FAT3: variants seen among roughly 807,000 people sequenced by gnomAD.
FAT3 encodes FAT atypical cadherin 3, also known as protocadherin Fat 3.
FAT3 carries 95 observed loss-of-function variants against 310.2 expected under a neutral mutation model. The ratio of observed to expected loss-of-function variants is 0.31; its 90% confidence interval spans 0.26 to 0.36. The LOEUF is 0.36. FAT3 is among the 10% of genes least tolerant of loss of function. The pLI is 1.00. For missense variants in FAT3, 5,408 were observed against 5,715.6 expected (o/e 0.95, Z 1.74); for synonymous variants, 2,314 against 2,192.9 (o/e 1.06, Z -1.54).
At chr11:92,374,783 G>T (rs1591190216) in intron 2 of FAT3, among the ~76,000 whole-genome samples, 1 of 151,940 alleles carries the variant, frequency 6.6e-6, no homozygotes, top group Non-Finnish European at 1.5e-5. Context: ...GTTGTTAATT[G>T]TATGCATATA....
At chr11:92,326,565 A>G (rs1565228331) in intron 1 of FAT3, among the ~76,000 whole-genome samples, 5 of 152,186 alleles carry the variant, frequency 3.3e-5, no homozygotes, top group African/African-American at 1.2e-4. Context: ...TCTTCCTTTC[A>G]TTGCCTCCAT....
At chr11:92,746,964 T>C (rs1945689747) in intron 4 of FAT3, among the ~76,000 whole-genome samples, 1 of 152,190 alleles carries the variant, frequency 6.6e-6, no homozygotes, top group Non-Finnish European at 1.5e-5. Flanking sequence ...CTGACTGCTT[T>C]CATGGACTGA....
chr11:92,386,141 G>T (rs1378633357), intron 2 of FAT3, among the ~76,000 whole-genome samples: 2 of 152,102 alleles, frequency 1.3e-5, no homozygotes, highest in African/African-American at 4.8e-5. Flanking sequence ...AGAAAGGAAA[G>T]AAGTTAAAAG....
Position 92,600,432 on chromosome 11 carries a change from A to G in FAT3, c.3607+75484A>G, listed in dbSNP as rs1939959974. On this transcript the variant is annotated intron_variant, in intron 3 of 27. Coordinates refer to ENST00000525166, the MANE Select transcript of FAT3 (RefSeq NM_001367949.2). ...CAAATGAAAAAGGACAAGTATGTTT[A>G]TAATAAAGTGCTTAGTCCTGATAGT... 2.0e-5 allele frequency among the ~76,000 whole-genome samples: 3 copies of G among 152,214 alleles called. No homozygotes were observed. The South Asian group carries it at 6.2e-4, about 31-fold the overall frequency.
At chr11:92,727,657 G>A (rs1187200314) in intron 4 of FAT3, among the ~76,000 whole-genome samples, 4 of 152,154 alleles carry the variant, frequency 2.6e-5, no homozygotes, top group Admixed American at 1.3e-4. Context: ...TGGGCAGCAC[G>A]CACTGCCTAA....
chr11:92,528,907 A>G (rs1391593421), intron 3 of FAT3, among the ~76,000 whole-genome samples: 1 of 152,220 alleles, frequency 6.6e-6, no homozygotes, highest in Admixed American at 6.5e-5. Flanking sequence ...CCCCCTAGAA[A>G]AAAAGTCTGT....
At chr11:92,302,466 A>AT (rs920723631) in intron 1 of FAT3, among the ~76,000 whole-genome samples, 134 of 149,648 alleles carry the variant, frequency 9.0e-4, no homozygotes, top group African/African-American at 2.9e-3. Flanking sequence ...TTATTTCCTA[A>AT]TTTTTTTTTT....
intron 12 of FAT3, among the ~76,000 whole-genome samples, chr11:92,808,595 A>G (rs1351509845): frequency 6.6e-6 from 1 of 152,224 alleles, no homozygotes; most frequent in Non-Finnish European, 1.5e-5. Context: ...CTGGCTGGCC[A>G]TAGCCAGGAA....
At chr11:92,424,570 G>A (rs1470166482) in intron 2 of FAT3, among the ~76,000 whole-genome samples, 3 of 152,114 alleles carry the variant, frequency 2.0e-5, no homozygotes, top group African/African-American at 7.2e-5. Flanking sequence ...GATCACTATT[G>A]CAGTCTAGTA....
chr11:92,342,559 C>T (rs1424276036), intron 1 of FAT3, among the ~76,000 whole-genome samples: 1 of 152,144 alleles, frequency 6.6e-6, no homozygotes, highest in Non-Finnish European at 1.5e-5. Context: ...CAGACTGTAG[C>T]AATCAGAGGC....
chr11:92,606,711 A>G (rs538625226), intron 3 of FAT3, among the ~76,000 whole-genome samples: 2 of 152,324 alleles, frequency 1.3e-5, no homozygotes, highest in East Asian at 3.9e-4. Context: ...GGAAGCTGAG[A>G]CAAAATGGCC....
In FAT3 at chr11:92,891,876, T is replaced by C. The variant is rs911459835; in HGVS notation, c.*763T>C. The C allele has an allele frequency of 1.3e-5, 2 of 152,258 alleles. No homozygotes were observed. Among genetic ancestry groups the C allele is most frequent in the African/African-American group, 4.8e-5 (2 of 41,464 alleles). The allele number at this position is 152,258 out of a possible 1,614,324, so 9.4% of individuals were successfully genotyped here. The stretch of plus-strand genomic sequence containing the variant: ...GAACATTAGAAAGAATGTGATTATC[T>C]GGTTGGTTTTGTGTTTTCTGGTAAA... On this transcript the variant is annotated 3_prime_UTR_variant, in exon 28 of 28. Coordinates refer to ENST00000525166, the MANE Select transcript of FAT3 (RefSeq NM_001367949.2).
chr11:92,871,565 C>CT (rs1367354169), intron 22 of FAT3, among the ~76,000 whole-genome samples: 1 of 152,178 alleles, frequency 6.6e-6, no homozygotes, highest in Non-Finnish European at 1.5e-5. Context: ...TCAGCATCAC[C>CT]TAAGGACCTT....
chr11:92,536,588 C>T (rs546032859), intron 3 of FAT3, among the ~76,000 whole-genome samples: 9 of 152,184 alleles, frequency 5.9e-5, no homozygotes, highest in East Asian at 1.9e-4. Flanking sequence ...TCTCAGTAAA[C>T]GTTCAATATT....
At chr11:92,387,847 G>A (rs140629945) in intron 2 of FAT3, among the ~76,000 whole-genome samples, 1 of 152,286 alleles carries the variant, frequency 6.6e-6, no homozygotes, top group Non-Finnish European at 1.5e-5. Context: ...ATTTCTTCAT[G>A]CAGATCATCT....
At chr11:92,273,736 T>C (rs546662985) in intron 1 of FAT3, among the ~76,000 whole-genome samples, 9 of 152,204 alleles carry the variant, frequency 5.9e-5, no homozygotes, top group African/African-American at 2.2e-4. Flanking sequence ...TTTCTGAGGA[T>C]TAAGTTAATG....
intron 3 of FAT3, among the ~76,000 whole-genome samples, chr11:92,653,658 A>G (rs1375697400): frequency 6.6e-6 from 1 of 152,210 alleles, no homozygotes; most frequent in Non-Finnish European, 1.5e-5. Flanking sequence ...TAGAGCTTAA[A>G]TCATTACATT....
intron 2 of FAT3, among the ~76,000 whole-genome samples, chr11:92,415,532 G>A (rs1000009830): frequency 6.6e-6 from 1 of 152,130 alleles, no homozygotes; most frequent in African/African-American, 2.4e-5. Context: ...GAAATGTGGG[G>A]CCTTATTAGA....
intron 1 of FAT3, chr11:92,335,946 TCAGA>T: frequency 5.5e-6 from 2 of 361,598 alleles, no homozygotes; most frequent in Middle Eastern, 9.2e-4. Context: ...GATTTTTTTT[TCAGA>T]CTTTCAGCCC....
Sources: gnomAD v4.1 joint callset for allele counts (sites outside exome capture counted in the v4.1 genomes callset) on GRCh38, gnomAD v4.1.1 for gene constraint, MANE v1.5 for transcripts, NCBI Gene and HGNC (gene_info 2026-07-23, HGNC 2026-07-21) for gene names.